The following JMJD1C variants were observed in gnomAD, a reference collection of about 807,000 sequenced individuals.
The protein encoded by JMJD1C is jumonji domain-containing protein 1C.
In JMJD1C, 31 loss-of-function variants were observed where a neutral mutation model predicts 245.3. The ratio of observed to expected loss-of-function variants is 0.13; its 90% CI spans 0.09 to 0.17. The LOEUF is 0.17. Ranked by LOEUF, JMJD1C falls within the 10% of genes least tolerant of loss-of-function variation. The pLI is 1.00. For synonymous variants in JMJD1C, 1,057 were observed against 1,017.4 expected, an observed-to-expected ratio of 1.04 and a Z score of -0.74; for missense variants, 2,691 against 3,000.2, an observed-to-expected ratio of 0.90 and a Z score of 2.41.
At chr10:63,402,330 T>G (rs1007104502) in intron 1 of JMJD1C, among the ~76,000 whole-genome samples, 1 of 152,160 alleles carries the variant, frequency 6.6e-6, no homozygotes, top group African/African-American at 2.4e-5. Flanking sequence ...CTTGTAACAT[T>G]TCGTTAAAAT....
intron 3 of JMJD1C, among the ~76,000 whole-genome samples, chr10:63,256,385 T>C (rs1239098985): frequency 6.6e-6 from 1 of 152,154 alleles, no homozygotes; most frequent in Non-Finnish European, 1.5e-5. Context: ...CTATATAAAA[T>C]CATATAGGTA....
intron 1 of JMJD1C, among the ~76,000 whole-genome samples, chr10:63,384,391 A>G (rs1252386799): frequency 6.6e-6 from 1 of 152,206 alleles, no homozygotes; most frequent in Non-Finnish European, 1.5e-5. Flanking sequence ...ATAGCTTTAC[A>G]AAATGTATTT....
intron 1 of JMJD1C, among the ~76,000 whole-genome samples, chr10:63,398,607 T>C (rs1051838475): frequency 2.0e-5 from 3 of 152,102 alleles, no homozygotes; most frequent in Non-Finnish European, 4.4e-5. Context: ...AATGATATTC[T>C]AACTATAATT....
intron 2 of JMJD1C, among the ~76,000 whole-genome samples, chr10:63,340,173 C>T (rs1943236865): frequency 6.6e-6 from 1 of 152,228 alleles, no homozygotes; most frequent in African/African-American, 2.4e-5. Context: ...CACCTGACCT[C>T]ATGTGACAAT....
chr10:63,268,645 G>A (rs1855921034), intron 2 of JMJD1C: 1 of 943,450 alleles, frequency 1.1e-6, no homozygotes, highest in African/African-American at 1.8e-5. Context: ...AAAGGAAGCA[G>A]AAAAATACAA....
chr10:63,240,364 G>T (rs552424480), intron 3 of JMJD1C, among the ~76,000 whole-genome samples: 6 of 152,300 alleles, frequency 3.9e-5, no homozygotes, highest in Non-Finnish European at 7.4e-5. Context: ...AGGAAAACCT[G>T]AAGAGAAGTA....
chr10:63,343,133 A>G (rs1943519248), intron 2 of JMJD1C, among the ~76,000 whole-genome samples: 1 of 152,134 alleles, frequency 6.6e-6, no homozygotes, highest in Non-Finnish European at 1.5e-5. Context: ...AGGCCAAGAT[A>G]GGCAGACCGC....
intron 2 of JMJD1C, among the ~76,000 whole-genome samples, chr10:63,355,622 G>A (rs2134321264): frequency 6.6e-6 from 1 of 152,234 alleles, no homozygotes; most frequent in East Asian, 1.9e-4. Flanking sequence ...AAAAGCTGAG[G>A]AGTTGGAAAA....
intron 2 of JMJD1C, among the ~76,000 whole-genome samples, chr10:63,296,386 C>A (rs980791183): frequency 6.6e-5 from 10 of 152,082 alleles, no homozygotes; most frequent in African/African-American, 2.4e-4. Flanking sequence ...TTGTCTAACA[C>A]ATGTATTTTC....
intron 2 of JMJD1C, 49 bp downstream of exon 2, chr10:63,380,269 T>A (rs776738939): frequency 6.3e-7 from 1 of 1,590,866 alleles, no homozygotes; most frequent in South Asian, 1.1e-5. Context: ...TTGTTCTTTG[T>A]TTTAAACGAA....
chr10:63,184,916 A>T (rs1299246970), intron 20 of JMJD1C, among the ~76,000 whole-genome samples, 178 bp from the exon 21 acceptor site: 1 of 152,148 alleles, frequency 6.6e-6, no homozygotes. Flanking sequence ...TAACCATTAA[A>T]CCATTAAAAA....
chr10:63,277,727 A>AT (rs1389505532), intron 2 of JMJD1C, among the ~76,000 whole-genome samples: 1 of 83,158 alleles, frequency 1.2e-5, no homozygotes, highest in Non-Finnish European at 2.4e-5. Context: ...AGTAATTTGC[A>AT]TTTCTTTTTT....
intron 1 of JMJD1C, among the ~76,000 whole-genome samples, chr10:63,411,601 ATTT>A (rs35643037): frequency 2.5e-5 from 3 of 120,054 alleles, no homozygotes; most frequent in Non-Finnish European, 3.4e-5. Flanking sequence ...ACTCGGCCTG[ATTT>A]TTTTTTTTTT....
At position 63,207,606 on chromosome 10, in the gene JMJD1C, T is replaced by C. The variant is rs374141970; in HGVS notation, c.4063A>G (p.Ile1355Val). The part of the protein sequence containing the change: ...LAEAGETGRI[I>V]LPNVNSDSVH... ...CTGTCTGAATTCACATTTGGCAAAATGATTCTTCCAGTTTCTCCGGCTTCT... is the reference window on the plus strand; with the variant it reads ...CTGTCTGAATTCACATTTGGCAAAACGATTCTTCCAGTTTCTCCGGCTTCT... Residue 1355 changes from isoleucine to valine, a missense_variant, in exon 10 of 26, where the codon ATT becomes GTT. Ile to Val is a conservative substitution (Grantham distance 29, BLOSUM62 3). Around this residue, in one of 9 missense-constraint regions of JMJD1C, gnomAD observed 1,562 missense variants for 1,490.7 expected, o/e 1.05. Transcript: ENST00000399262. 3.7e-6 allele frequency: 6 copies of C among 1,614,060 alleles called. No individual in the cohort carries two copies. The African/African-American group carries it at 6.7e-5, about 18-fold the overall frequency.
chr10:63,251,878 G>A (rs1197124013), intron 3 of JMJD1C, among the ~76,000 whole-genome samples: 1 of 152,198 alleles, frequency 6.6e-6, no homozygotes, highest in African/African-American at 2.4e-5. Flanking sequence ...TGGGCATGGT[G>A]GAGTGTGCCT....
chr10:63,354,318 A>G (rs896213530), intron 2 of JMJD1C, among the ~76,000 whole-genome samples: 8 of 152,260 alleles, frequency 5.3e-5, no homozygotes, highest in East Asian at 1.9e-4. Context: ...ATGAAATTGT[A>G]TATTTTTCTT....
At chr10:63,338,231 C>T (rs1943030031) in intron 2 of JMJD1C, among the ~76,000 whole-genome samples, 1 of 152,176 alleles carries the variant, frequency 6.6e-6, no homozygotes, top group Admixed American at 6.5e-5. Flanking sequence ...AGCTCCTGGG[C>T]TCAAGCCATC....
At chr10:63,375,103 G>A (rs1243182097) in intron 2 of JMJD1C, among the ~76,000 whole-genome samples, 1 of 150,992 alleles carries the variant, frequency 6.6e-6, no homozygotes. Context: ...CTTGATCTTA[G>A]AGGAAAAGCT....
At chr10:63,291,314 A>G (rs1160116122) in intron 2 of JMJD1C, among the ~76,000 whole-genome samples, 2,009 of 46,892 alleles carry the variant, frequency 0.043, 24 homozygotes, top group Non-Finnish European at 0.073. Context: ...GTCTCAGAAA[A>G]AAAAAAAAAA....
Sources: allele counts gnomAD v4.1 joint callset (sites outside exome capture counted in the v4.1 genomes callset), GRCh38; gene constraint gnomAD v4.1.1; regional missense constraint gnomAD v4.1.1; transcripts MANE v1.5; gene names NCBI Gene and HGNC (gene_info 2026-07-23, HGNC 2026-07-21).